The following EPB41L5 variants were observed in gnomAD, a reference collection of about 807,000 sequenced individuals.
The protein encoded by EPB41L5 is erythrocyte membrane protein band 4.1 like 5, also known as band 4.1-like protein 5.
A neutral mutation model predicts 106.6 loss-of-function variants in EPB41L5; 55 were observed. The ratio of observed to expected loss-of-function variants is 0.52; its 90% CI spans 0.42 to 0.65. The LOEUF (loss-of-function observed/expected upper bound fraction) is 0.65, where lower values mean the gene tolerates loss of function less well. Ranked by LOEUF, EPB41L5 falls within the 30% of genes least tolerant of loss-of-function variation. The pLI is 0.00. For synonymous variants in EPB41L5, 297 were observed against 306.7 expected (o/e 0.97, Z 0.33); for missense variants, 871 against 882.1 (o/e 0.99, Z 0.16).
At chr2:120,051,069 C>T (rs952421165) in intron 3 of EPB41L5, among the ~76,000 whole-genome samples, 9 of 152,200 alleles carry the variant, frequency 5.9e-5, no homozygotes, top group Non-Finnish European at 1.2e-4. Flanking sequence ...TCTGCCCCTA[C>T]TGGGAGGTGG....
intron 3 of EPB41L5, among the ~76,000 whole-genome samples, chr2:120,058,921 C>T (rs934828889): frequency 6.6e-6 from 1 of 152,086 alleles, no homozygotes; most frequent in African/African-American, 2.4e-5. Flanking sequence ...CTCAAAATTC[C>T]AGTAAGATCT....
chr2:120,048,013 A>G (rs556662402), intron 3 of EPB41L5, among the ~76,000 whole-genome samples: 2 of 152,342 alleles, frequency 1.3e-5, no homozygotes, highest in East Asian at 1.9e-4. Flanking sequence ...GATGAAGCCC[A>G]CTTGATCATG....
chr2:120,041,541 C>G (rs947514043), intron 2 of EPB41L5, among the ~76,000 whole-genome samples: 1 of 152,162 alleles, frequency 6.6e-6, no homozygotes, highest in Non-Finnish European at 1.5e-5. Flanking sequence ...TTTGATTCTT[C>G]TGCATCAAGC....
At chr2:120,118,897 T>C (rs75845974) in intron 16 of EPB41L5, among the ~76,000 whole-genome samples, 1 of 152,262 alleles carries the variant, frequency 6.6e-6, no homozygotes, top group South Asian at 2.1e-4. Flanking sequence ...CTCTAGGTCT[T>C]TGAGGAATTG....
At chr2:120,170,361 C>T (rs1385534350) in intron 24 of EPB41L5, among the ~76,000 whole-genome samples, 2 of 152,232 alleles carry the variant, frequency 1.3e-5, no homozygotes, top group Admixed American at 6.5e-5. Flanking sequence ...CAGGGTCTCT[C>T]ACAGGCTACA....
chr2:120,114,205 A>G (rs865813710), intron 16 of EPB41L5, among the ~76,000 whole-genome samples: 18 of 152,138 alleles, frequency 1.2e-4, no homozygotes, highest in Middle Eastern at 3.2e-3. Flanking sequence ...TGATGTTGGT[A>G]TATTTTGATC....
intron 18 of EPB41L5, among the ~76,000 whole-genome samples, chr2:120,132,912 T>C (rs190613402): frequency 3.0e-3 from 455 of 152,258 alleles, no homozygotes; most frequent in South Asian, 8.5e-3. Flanking sequence ...TGCTCAGAGT[T>C]CATGGAAATC....
At chr2:120,104,132 G>A (rs1376906630) in intron 16 of EPB41L5, 9 of 1,535,930 alleles carry the variant, frequency 5.9e-6, no homozygotes, top group Non-Finnish European at 7.8e-6. Context: ...CCCCACCCCA[G>A]ACCGCACATA....
intron 16 of EPB41L5, among the ~76,000 whole-genome samples, chr2:120,107,821 A>G (rs1298531384): frequency 6.6e-6 from 1 of 152,182 alleles, no homozygotes; most frequent in Non-Finnish European, 1.5e-5. Context: ...AAATTAGGAC[A>G]TGAAGCATGT....
chr2:120,116,138 T>G (rs763478843), intron 16 of EPB41L5, among the ~76,000 whole-genome samples: 5 of 152,066 alleles, frequency 3.3e-5, no homozygotes, highest in Non-Finnish European at 7.4e-5. Context: ...TTTAAAACAA[T>G]CTAGTTTGGA....
chr2:120,087,324 C>A, intron 11 of EPB41L5, 84 bp downstream of exon 11: 1 of 812,530 alleles, frequency 1.2e-6, no homozygotes, highest in Non-Finnish European at 2.0e-6. Context: ...GGGAATGTAC[C>A]TCATTGTTTT....
At chr2:120,023,284 A>G (rs1047579714) in intron 2 of EPB41L5, among the ~76,000 whole-genome samples, 1 of 152,100 alleles carries the variant, frequency 6.6e-6, no homozygotes, top group Non-Finnish European at 1.5e-5. Flanking sequence ...GGTATTGCCT[A>G]GGTTTTTTTC....
chr2:120,110,255 C>A (rs1283291299), intron 16 of EPB41L5, among the ~76,000 whole-genome samples: 1 of 152,180 alleles, frequency 6.6e-6, no homozygotes, highest in African/African-American at 2.4e-5. Flanking sequence ...TTATTGTCTT[C>A]TAACCTCCCT....
chr2:120,067,706 A>G (rs1325305492), intron 3 of EPB41L5, among the ~76,000 whole-genome samples: 1 of 152,178 alleles, frequency 6.6e-6, no homozygotes, highest in Non-Finnish European at 1.5e-5. Flanking sequence ...TTTACTCTGA[A>G]GGTTCTTTTA....
At chr2:120,115,399 T>C (rs1216492606) in intron 16 of EPB41L5, among the ~76,000 whole-genome samples, 1 of 152,164 alleles carries the variant, frequency 6.6e-6, no homozygotes, top group Non-Finnish European at 1.5e-5. Context: ...TTCTTTCTCT[T>C]ACTATTTTAT....
At chr2:120,081,911 G>C (rs1237022772) in intron 10 of EPB41L5, among the ~76,000 whole-genome samples, 1 of 151,878 alleles carries the variant, frequency 6.6e-6, no homozygotes, top group Non-Finnish European at 1.5e-5. Context: ...CTCTCTGTTT[G>C]TCTGTTATTG....
chr2:120,106,417 A>T (rs1684455632), intron 16 of EPB41L5: 1 of 985,308 alleles, frequency 1.0e-6, no homozygotes, highest in African/African-American at 1.7e-5. Flanking sequence ...CAGAGCTCTC[A>T]GGTATTTATA....
intron 21 of EPB41L5, among the ~76,000 whole-genome samples, chr2:120,162,029 T>G (rs986401367): frequency 2.0e-5 from 3 of 152,228 alleles, no homozygotes; most frequent in African/African-American, 2.4e-5. Context: ...TGTTCATTGC[T>G]GTATCCCTCA....
chr2:120,044,424 T>G (rs773346312), intron 3 of EPB41L5, among the ~76,000 whole-genome samples: 8 of 152,214 alleles, frequency 5.3e-5, no homozygotes, highest in Non-Finnish European at 1.2e-4. Flanking sequence ...GGTTGCCTAT[T>G]AATTTTAATA....
Sources: gnomAD v4.1 joint callset for allele counts (sites outside exome capture counted in the v4.1 genomes callset) on GRCh38, gnomAD v4.1.1 for gene constraint, MANE v1.5 for transcripts, NCBI Gene and HGNC (gene_info 2026-07-23, HGNC 2026-07-21) for gene names.